The following CFAP206 variants were observed in gnomAD, a reference collection of about 807,000 sequenced individuals.
CFAP206 encodes the protein cilia and flagella associated protein 206, also known as cilia- and flagella-associated protein 206.
A neutral mutation model predicts 65.4 loss-of-function variants in CFAP206; 53 were observed. The observed-to-expected ratio is 0.81, with a 90% CI of 0.65 to 1.02. The LOEUF (loss-of-function observed/expected upper bound fraction) is 1.02, where lower values mean the gene tolerates loss of function less well. Among genes scored for constraint, CFAP206 ranks in the 50% least tolerant of loss-of-function variants. The pLI is 0.00. For synonymous variants in CFAP206, 250 were observed against 254.4 expected (o/e 0.98, Z 0.17); for missense variants, 663 against 753.2 (o/e 0.88, Z 1.40).
Position 87,418,391 on chromosome 6 carries a change from A to T in CFAP206, c.815A>T (p.Tyr272Phe). The T allele has an allele frequency of 6.2e-7, 1 of 1,614,102 alleles. No homozygotes were observed. The highest frequency in any genetic ancestry group is 8.5e-7 in the Non-Finnish European group (1 of 1,179,962). The stretch of plus-strand genomic sequence containing the variant: ...GAAGCGCTATATAATATACGACAAT[A>T]TGAGGTCTTCCTTCAGATCATTTTG... ...LKEALYNIRQYEVFLQIILSD... is the reference protein window; with the variant it reads ...LKEALYNIRQFEVFLQIILSD... Residue 272 changes from tyrosine to phenylalanine, a missense_variant, in exon 7 of 13, where the codon TAT becomes TTT. Physicochemically the swap from Tyr to Phe is conservative, Grantham distance 22 (BLOSUM62 3). Coordinates refer to ENST00000369562, the MANE Select transcript of CFAP206 (RefSeq NM_001031743.3).
At chr6:87,448,635 T>C (rs1768487842) in intron 11 of CFAP206, among the ~76,000 whole-genome samples, 1 of 152,122 alleles carries the variant, frequency 6.6e-6, no homozygotes. Flanking sequence ...TTGTCCCCAT[T>C]AGCTAACCTC....
chr6:87,444,497 C>A, intron 11 of CFAP206: 1 of 233,472 alleles, frequency 4.3e-6, no homozygotes, highest in South Asian at 7.1e-5. Context: ...AGGCCACATC[C>A]TAGAAGGCCA....
intron 11 of CFAP206, among the ~76,000 whole-genome samples, chr6:87,443,441 T>G (rs572179591): frequency 1.3e-5 from 2 of 152,264 alleles, no homozygotes; most frequent in East Asian, 1.9e-4. Flanking sequence ...TGCTTTCATT[T>G]TATATTTTCT....
intron 12 of CFAP206, among the ~76,000 whole-genome samples, chr6:87,461,763 C>G (rs1218426113): frequency 1.3e-5 from 2 of 152,090 alleles, no homozygotes; most frequent in Non-Finnish European, 2.9e-5. Flanking sequence ...TTATCCATCT[C>G]TTTAACTGAA....
At chr6:87,411,298 AT>A (rs1204102739) in intron 3 of CFAP206, among the ~76,000 whole-genome samples, 3 of 152,188 alleles carry the variant, frequency 2.0e-5, no homozygotes, top group African/African-American at 7.2e-5. Context: ...GATGTTGAGC[AT>A]TTTTTTCATG....
Position 87,464,133 on chromosome 6 carries a change from G to A in CFAP206, c.1752G>A (p.Arg584=). ...AGGACACTAGCACCCAGTCCATGAG[G>A]GAAGACAGCACTGGGGTGCCCAGGC... ...PPKDTSTQSM[R]EDSTGVPRPQ... Residue 584 remains arginine, a synonymous_variant, in exon 13 of 13, where the codon AGG becomes AGA. Coordinates refer to ENST00000369562, the MANE Select transcript of CFAP206 (RefSeq NM_001031743.3). 6.2e-7 allele frequency: 1 copy of A among 1,614,160 alleles called. No individual in the cohort carries two copies.
At chr6:87,427,825 A>G (rs1321723982) in intron 8 of CFAP206, among the ~76,000 whole-genome samples, 1 of 152,134 alleles carries the variant, frequency 6.6e-6, no homozygotes, top group Non-Finnish European at 1.5e-5. Flanking sequence ...AATGGTCTTC[A>G]GTGACACTTT....
intron 11 of CFAP206, among the ~76,000 whole-genome samples, chr6:87,449,665 G>C (rs1210586483): frequency 2.0e-5 from 3 of 151,954 alleles, no homozygotes; most frequent in African/African-American, 7.2e-5. Context: ...TTTTAAAATT[G>C]GATTATTTGT....
intron 11 of CFAP206, chr6:87,445,217 T>C: frequency 3.6e-6 from 1 of 276,382 alleles, no homozygotes; most frequent in Non-Finnish European, 7.0e-6. Context: ...CGTTTTAAAT[T>C]TTAAGTTCCA....
chr6:87,456,057 AAG>A (rs1238571809), intron 11 of CFAP206, among the ~76,000 whole-genome samples: 6 of 152,212 alleles, frequency 3.9e-5, no homozygotes, highest in Non-Finnish European at 7.3e-5. Context: ...CACATCAACA[AAG>A]GAAAACTAGA....
chr6:87,439,421 G>A (rs976811182), intron 11 of CFAP206, among the ~76,000 whole-genome samples: 5 of 151,998 alleles, frequency 3.3e-5, no homozygotes, highest in Non-Finnish European at 5.9e-5. Flanking sequence ...TTATCTTAGT[G>A]ATTTGCAGGA....
chr6:87,417,660 T>A (rs946303830), intron 6 of CFAP206, among the ~76,000 whole-genome samples: 8 of 151,962 alleles, frequency 5.3e-5, no homozygotes, highest in Admixed American at 4.6e-4. Context: ...ACTCTGCCTA[T>A]TCTCTGAACT....
chr6:87,461,041 A>G lies in CFAP206; in HGVS notation c.1514A>G (p.His505Arg), dbSNP rs775289032. ...PYSQMRDADK[H>R]YIKPITKCES... ...CTTTAGATGAGAGATGCTGACAAAC[A>G]TTATATAAAACCAATTACAAAATGT... The change falls in exon 12 of 13, where the codon CAT (histidine) becomes CGT (arginine). Residue 505 changes from histidine to arginine, a missense_variant. Coordinates refer to ENST00000369562, the MANE Select transcript of CFAP206 (RefSeq NM_001031743.3). The G allele has an allele frequency of 2.5e-6, 4 of 1,582,472 alleles. No individual in the cohort carries two copies. The highest frequency in any genetic ancestry group is 1.9e-5 in the Admixed American group (1 of 51,816).
At position 87,451,876 on chromosome 6, in the gene CFAP206, GA is replaced by G. The variant is rs57932058; in HGVS notation, c.1495-9132del. 7.2e-3 allele frequency among the ~76,000 whole-genome samples: 1,009 copies of G among 139,204 alleles called. 6 individuals are homozygous for G. Among genetic ancestry groups the G allele is most frequent in the South Asian group, 0.017 (76 of 4,360 alleles). 91.3% of individuals were successfully genotyped at this position (139,204 alleles called of 152,430 possible). ...GACAGAGCGAGACTCCATCTCAAAAGAAAAAAAAAAAAAATTCCGCTTCCCT... is the reference window on the plus strand; with the variant it reads ...GACAGAGCGAGACTCCATCTCAAAAGAAAAAAAAAAAAATTCCGCTTCCCT... On this transcript the variant is annotated intron_variant, in intron 11 of 12. Coordinates refer to ENST00000369562, the MANE Select transcript of CFAP206 (RefSeq NM_001031743.3).
intron 7 of CFAP206, among the ~76,000 whole-genome samples, chr6:87,425,589 G>A (rs1768026383): frequency 6.6e-6 from 1 of 152,152 alleles, no homozygotes. Flanking sequence ...AGTATTTCAA[G>A]TATGCTTATT....
chr6:87,409,172 G>A (rs1012258073), intron 1 of CFAP206, among the ~76,000 whole-genome samples: 11 of 151,140 alleles, frequency 7.3e-5, no homozygotes, highest in African/African-American at 2.7e-4. Context: ...TTTTAAAGCT[G>A]TACTCTTGGG....
intron 11 of CFAP206, among the ~76,000 whole-genome samples, chr6:87,459,555 A>T (rs1768705679): frequency 6.6e-6 from 1 of 152,228 alleles, no homozygotes; most frequent in Non-Finnish European, 1.5e-5. Flanking sequence ...TGTTATAACC[A>T]GTTCAAAAGA....
intron 10 of CFAP206, among the ~76,000 whole-genome samples, chr6:87,434,646 C>T (rs1226410617): frequency 2.6e-5 from 4 of 151,958 alleles, no homozygotes; most frequent in Admixed American, 6.6e-5. Flanking sequence ...TAGAGGTGCA[C>T]ACCACCACGC....
chr6:87,419,576 G>C (rs1767903465), intron 7 of CFAP206, among the ~76,000 whole-genome samples: 1 of 152,100 alleles, frequency 6.6e-6, no homozygotes, highest in Admixed American at 6.5e-5. Flanking sequence ...CACAACCTCT[G>C]TTTTCCAGTA....
Sources: allele counts gnomAD v4.1 joint callset (sites outside exome capture counted in the v4.1 genomes callset), GRCh38; gene constraint gnomAD v4.1.1; transcripts MANE v1.5; gene names NCBI Gene and HGNC (gene_info 2026-07-23, HGNC 2026-07-21).